The following MID1 variants were observed in gnomAD, a reference collection of about 807,000 sequenced individuals.
MID1 encodes the protein midline 1, also known as E3 ubiquitin-protein ligase Midline-1.
A neutral mutation model predicts 40.4 loss-of-function variants in MID1; 7 were observed. The ratio of observed to expected loss-of-function variants is 0.17; its 90% CI spans 0.10 to 0.33. The LOEUF is 0.33. Among genes scored for constraint, MID1 ranks in the 10% least tolerant of loss-of-function variants. MID1 has a pLI of 1.00. For missense variants in MID1, 367 were observed against 558.5 expected (o/e 0.66, Z 3.46); for synonymous variants, 229 against 221.2 (o/e 1.04, Z -0.31).
chrX:10,541,456 G>T (rs1484627350), intron 2 of MID1, among the ~76,000 whole-genome samples: 1 of 110,552 alleles, frequency 9.0e-6, no homozygotes, highest in African/African-American at 3.3e-5. Context: ...TCCGAGGCAG[G>T]CTTTGTGCAC....
chrX:10,465,469 ACTC>A (rs1929337869), intron 7 of MID1, among the ~76,000 whole-genome samples: 1 of 108,861 alleles, frequency 9.2e-6, no homozygotes, highest in African/African-American at 3.3e-5. Context: ...CACTTTTATT[ACTC>A]CTGTTTTTAT....
At chrX:10,576,201 T>C (rs1934867722) in intron 1 of MID1, among the ~76,000 whole-genome samples, 1 of 111,609 alleles carries the variant, frequency 9.0e-6, no homozygotes, top group Non-Finnish European at 1.9e-5. Context: ...AACACCCACC[T>C]GGTGGAATTC....
chrX:10,516,040 T>C (rs1433039316), intron 3 of MID1, among the ~76,000 whole-genome samples: 5 of 111,514 alleles, frequency 4.5e-5, no homozygotes, highest in Non-Finnish European at 7.5e-5. Context: ...ACTACATATA[T>C]AATTAACTCC....
At chrX:10,816,207 CAA>C (rs1234654335) in intron 1 of MID1, among the ~76,000 whole-genome samples, 17 of 111,772 alleles carry the variant, frequency 1.5e-4, no homozygotes, top group African/African-American at 5.5e-4. Context: ...GCTCAACCAA[CAA>C]AATAGTTCCA....
chrX:10,697,712 T>C (rs2043170220), intron 1 of MID1, among the ~76,000 whole-genome samples: 1 of 111,565 alleles, frequency 9.0e-6, no homozygotes, highest in Non-Finnish European at 1.9e-5. Context: ...TTTGGAGCCG[T>C]GGTTGGGCAG....
At chrX:10,671,661 C>T in intron 1 of MID1, among the ~76,000 whole-genome samples, 1 of 111,319 alleles carries the variant, frequency 9.0e-6, no homozygotes, top group East Asian at 2.8e-4. Flanking sequence ...CAAACCTCTT[C>T]CTCTCAGCTG....
chrX:10,615,697 G>A (rs1377729199), intron 1 of MID1, among the ~76,000 whole-genome samples: 1 of 111,855 alleles, frequency 8.9e-6, no homozygotes, highest in Non-Finnish European at 1.9e-5. Flanking sequence ...TTCCTCCAGA[G>A]GGGGAAAAAT....
chrX:10,528,292 TGATGA>T (rs890114841), intron 2 of MID1, among the ~76,000 whole-genome samples: 3 of 111,763 alleles, frequency 2.7e-5, no homozygotes, highest in East Asian at 2.8e-4. Context: ...ATTTGAAAAC[TGATGA>T]GATATTTTAT....
Position 10,817,407 on chromosome X carries a change from A to T in MID1, c.-187+16147T>A, listed in dbSNP as rs150013734. ...TAAAGCAAAATTAGATATGTTTATG[A>T]TAGGTAGACTTCAGCAATGAAGTAG... is the stretch of plus-strand genomic sequence containing the variant. On this transcript the variant is annotated intron_variant, in intron 1 of 10. Transcript: ENST00000380785. Among the ~76,000 whole-genome samples the T allele has an allele frequency of 4.4e-4, 49 of 111,583 alleles. No homozygotes were observed. In the East Asian group the frequency reaches 0.01, roughly 24 times the overall value.
intron 1 of MID1, among the ~76,000 whole-genome samples, chrX:10,680,947 G>A (rs771990478): frequency 9.3e-6 from 1 of 107,455 alleles, no homozygotes; most frequent in African/African-American, 3.4e-5. Context: ...GATGGCTTGA[G>A]TCCAGGAGGT....
intron 2 of MID1, among the ~76,000 whole-genome samples, chrX:10,533,319 GAAAGAAAGGAAA>G (rs1285970988): frequency 1.6e-5 from 1 of 62,700 alleles, no homozygotes; most frequent in African/African-American, 6.3e-5. Flanking sequence ...AAGAAAGAAA[GAAAGAAAGGAAA>G]GAAAGAAAGA....
chrX:10,630,498 C>A (rs1428221857), intron 1 of MID1, among the ~76,000 whole-genome samples: 1 of 107,456 alleles, frequency 9.3e-6, no homozygotes, highest in African/African-American at 3.5e-5. Context: ...GTAGTAGGAG[C>A]TGAAGTCTCA....
chrX:10,700,195 C>T (rs1380224955), intron 1 of MID1, among the ~76,000 whole-genome samples: 4 of 111,368 alleles, frequency 3.6e-5, no homozygotes, highest in Non-Finnish European at 7.5e-5. Context: ...TAGCAAAAAC[C>T]TGTTATAATT....
chrX:10,550,232 G>A (rs1278274091), intron 2 of MID1, among the ~76,000 whole-genome samples: 1 of 112,416 alleles, frequency 8.9e-6, no homozygotes, highest in Admixed American at 9.4e-5. Context: ...AAAGCCTCAG[G>A]CTCTCCTGTC....
chrX:10,758,717 T>C (rs1032130207), intron 1 of MID1, among the ~76,000 whole-genome samples: 43 of 109,261 alleles, frequency 3.9e-4, no homozygotes, highest in Non-Finnish European at 5.3e-4. Flanking sequence ...CTCGATCTCC[T>C]GACCTCATGA....
intron 6 of MID1, among the ~76,000 whole-genome samples, chrX:10,472,812 G>T (rs1419299993): frequency 1.8e-5 from 2 of 112,016 alleles, no homozygotes; most frequent in African/African-American, 3.2e-5. Context: ...AATGAAGGCG[G>T]CAGAGGAGGA....
chrX:10,480,540 G>A (rs760339642), intron 5 of MID1, among the ~76,000 whole-genome samples: 1 of 112,404 alleles, frequency 8.9e-6, no homozygotes, highest in East Asian at 2.8e-4. Context: ...TGACCTAAGT[G>A]TAAACGCTAT....
At chrX:10,652,435 C>A (rs1263925149) in intron 1 of MID1, among the ~76,000 whole-genome samples, 3 of 111,710 alleles carry the variant, frequency 2.7e-5, no homozygotes, top group Non-Finnish European at 3.8e-5. Context: ...CACCCAGAAT[C>A]TGATGGCCTC....
intron 1 of MID1, among the ~76,000 whole-genome samples, chrX:10,797,054 C>T (rs1389581391): frequency 9.1e-6 from 1 of 110,016 alleles, no homozygotes; most frequent in African/African-American, 3.4e-5. Context: ...CCTGGGCCCC[C>T]ATTTAAACAA....
Sources: gnomAD v4.1 joint callset for allele counts (sites outside exome capture counted in the v4.1 genomes callset) on GRCh38, gnomAD v4.1.1 for gene constraint, MANE v1.5 for transcripts, NCBI Gene and HGNC (gene_info 2026-07-23, HGNC 2026-07-21) for gene names.